Variants in ZMYND11 observed in about 807,000 individuals in gnomAD.
The protein encoded by ZMYND11 is zinc finger MYND-type containing 11.
A neutral mutation model predicts 84.9 loss-of-function variants in ZMYND11; 9 were observed. The ratio of observed to expected loss-of-function variants is 0.11; its 90% confidence interval spans 0.06 to 0.18. The LOEUF is 0.18. Ranked by LOEUF, ZMYND11 falls within the 10% of genes least tolerant of loss-of-function variation. ZMYND11 has a pLI of 1.00. For synonymous variants in ZMYND11, 250 were observed against 244.1 expected, an observed-to-expected ratio of 1.02 and a Z score of -0.23; for missense variants, 409 against 761.0, an observed-to-expected ratio of 0.54 and a Z score of 5.44.
chr10:179,959 G>GT lies in ZMYND11; in HGVS notation c.-19-28dup, dbSNP rs1442584728. 1.7e-5 allele frequency: 22 copies of GT among 1,321,828 alleles called. 1 individual carries two copies. The highest frequency in any genetic ancestry group is 1.1e-4 in the Admixed American group (6 of 54,250). The allele number at this position is 1,321,828 out of a possible 1,614,324, so 81.9% of individuals were successfully genotyped here. A position where few individuals can be genotyped will look rare whatever the true frequency, so the allele number is the denominator to read the frequency against. The stretch of plus-strand genomic sequence containing the variant: ...ATACTGATAATTCATTTTGTAATCT[G>GT]TTTTTTTCCCTTATGTTTTTGTTTA... On this transcript the variant is annotated intron_variant, in intron 1 of 14. Transcript: ENST00000381604.
At chr10:232,079 A>G (rs1474058753) in intron 4 of ZMYND11, among the ~76,000 whole-genome samples, 1 of 152,250 alleles carries the variant, frequency 6.6e-6, no homozygotes, top group East Asian at 1.9e-4. Flanking sequence ...TGGATCAGAA[A>G]TAATCTGTAC....
chr10:160,912 G>T (rs1277739470), intron 1 of ZMYND11, among the ~76,000 whole-genome samples: 1 of 143,334 alleles, frequency 7.0e-6, no homozygotes, highest in African/African-American at 2.6e-5. Context: ...TTTAGGAAAT[G>T]TATTCTTTAA....
chr10:158,984 G>GGTTTTTTTTT (rs1554760453), intron 1 of ZMYND11, among the ~76,000 whole-genome samples: 1 of 40,022 alleles, frequency 2.5e-5, no homozygotes, highest in African/African-American at 7.6e-5. Context: ...AGGGTTTTTT[G>GGTTTTTTTTT]TTTTTTGTTT....
In ZMYND11 at chr10:180,802, AT is replaced by A. The variant is rs1847726501; in HGVS notation, c.116+675del. On this transcript the variant is annotated intron_variant, in intron 2 of 14. Coordinates refer to ENST00000381604, the MANE Select transcript of ZMYND11 (RefSeq NM_001370100.5). ...TTACTAATTTTAACATAGGATAGGC[AT>A]GGTATGTGTAGTAAGAAACATCTTA... is the stretch of plus-strand genomic sequence containing the variant. Among the ~76,000 whole-genome samples, 3 of 152,240 alleles carry A rather than the reference AT, an allele frequency of 2.0e-5. No homozygotes were observed. In the South Asian group the frequency reaches 6.2e-4, roughly 31 times the overall value.
At chr10:156,845 C>T (rs1554759319) in intron 1 of ZMYND11, among the ~76,000 whole-genome samples, 3 of 152,098 alleles carry the variant, frequency 2.0e-5, no homozygotes, top group African/African-American at 7.2e-5. Context: ...GTTAAAAATA[C>T]AAACAAAAAA....
chr10:251,261 A>G (rs1953427665), intron 14 of ZMYND11, among the ~76,000 whole-genome samples: 1 of 152,188 alleles, frequency 6.6e-6, no homozygotes, highest in Non-Finnish European at 1.5e-5. Flanking sequence ...TGAGGAAACT[A>G]AGAAGTTAAA....
chr10:221,092 T>C (rs1947071170), intron 3 of ZMYND11, 103 bp from the exon 4 acceptor site: 2 of 1,040,484 alleles, frequency 1.9e-6, no homozygotes, highest in Admixed American at 1.9e-5. Flanking sequence ...CTTTAAATTG[T>C]TTATGATGCC....
chr10:218,485 G>A (rs1946570156), intron 3 of ZMYND11: 2 of 394,798 alleles, frequency 5.1e-6, no homozygotes, highest in Non-Finnish European at 1.0e-5. Context: ...CTCCAGGACA[G>A]CAGCCCCAAA....
At chr10:247,703 G>A (rs981320617) in intron 12 of ZMYND11, among the ~76,000 whole-genome samples, 2 of 152,056 alleles carry the variant, frequency 1.3e-5, no homozygotes, top group African/African-American at 2.4e-5. Context: ...TTAAGCAGCC[G>A]CTGACCAAAG....
intron 4 of ZMYND11, among the ~76,000 whole-genome samples, chr10:228,606 C>G (rs1203605399): frequency 2.0e-5 from 3 of 152,178 alleles, no homozygotes; most frequent in African/African-American, 7.2e-5. Flanking sequence ...AATCAAAGAA[C>G]AAGTCATATT....
At chr10:209,556 C>T (rs1488294945) in intron 2 of ZMYND11, among the ~76,000 whole-genome samples, 1 of 152,084 alleles carries the variant, frequency 6.6e-6, no homozygotes, top group African/African-American at 2.4e-5. Flanking sequence ...GTAATTGCTC[C>T]CTCTGGAGGC....
intron 10 of ZMYND11, among the ~76,000 whole-genome samples, chr10:245,101 C>T (rs1340955529): frequency 6.6e-6 from 1 of 152,178 alleles, no homozygotes; most frequent in Non-Finnish European, 1.5e-5. Flanking sequence ...AACTATTCCA[C>T]AAGCATGATT....
intron 12 of ZMYND11, 128 bp from the exon 13 acceptor site, chr10:248,208 A>G (rs1952578093): frequency 3.2e-6 from 4 of 1,256,488 alleles, no homozygotes; most frequent in South Asian, 3.2e-5. Context: ...CCCTAACTAC[A>G]TTTTTCAACA....
In ZMYND11 at chr10:153,189, T is replaced by A. The variant is rs572860267; in HGVS notation, c.-20+17630T>A. On this transcript the variant is annotated intron_variant, in intron 1 of 14. Coordinates refer to ENST00000381604, the MANE Select transcript of ZMYND11 (RefSeq NM_001370100.5). ...TGTTATTTGCTATTTTTATCAGATA[T>A]GAAGTCTACTGTTATACAACCTACA... is the stretch of plus-strand genomic sequence containing the variant. Among the ~76,000 whole-genome samples, 227 of 152,334 alleles carry A rather than the reference T, an allele frequency of 1.5e-3. 4 individuals are homozygous for A. The highest frequency in any genetic ancestry group is 2.8e-3 in the Non-Finnish European group (189 of 68,028).
intron 14 of ZMYND11, among the ~76,000 whole-genome samples, chr10:249,993 G>A (rs1219078270): frequency 6.6e-6 from 1 of 152,158 alleles, no homozygotes; most frequent in Admixed American, 6.5e-5. Context: ...GAGGGAAAAA[G>A]AGAACTTTAT....
intron 9 of ZMYND11, 103 bp downstream of exon 9, chr10:241,073 C>T (rs980161345): frequency 3.5e-6 from 3 of 863,652 alleles, no homozygotes; most frequent in South Asian, 1.7e-5. Context: ...TTTAAAATAT[C>T]ATAGTATATA....
chr10:242,530 A>G (rs770161467), intron 10 of ZMYND11, among the ~76,000 whole-genome samples: 5 of 152,228 alleles, frequency 3.3e-5, no homozygotes, highest in Non-Finnish European at 7.3e-5. Flanking sequence ...AAAATCGTCA[A>G]TCTTGTGATC....
intron 1 of ZMYND11, among the ~76,000 whole-genome samples, chr10:166,154 T>TAAAACAGTTTAATCTTCCTGACCTTTGG (rs1843965918): frequency 6.6e-6 from 1 of 152,174 alleles, no homozygotes; most frequent in Non-Finnish European, 1.5e-5. Flanking sequence ...CTAAAACTTG[T>TAAAACAGTTTAATCTTCCTGACCTTTGG]AAAACAGTTT....
chr10:198,130 AT>A, intron 2 of ZMYND11: 1 of 377,978 alleles, frequency 2.6e-6, no homozygotes. Flanking sequence ...TAAATTAAAA[AT>A]ATTTCCTTTT....
Sources: allele counts gnomAD v4.1 joint callset (sites outside exome capture counted in the v4.1 genomes callset), GRCh38; gene constraint gnomAD v4.1.1; transcripts MANE v1.5; gene names NCBI Gene and HGNC (gene_info 2026-07-23, HGNC 2026-07-21).